AGO1: variants seen among roughly 807,000 people sequenced by gnomAD.
AGO1 encodes the protein protein argonaute-1.
In AGO1, 11 loss-of-function variants were observed where a neutral mutation model predicts 109.2. The ratio of observed to expected loss-of-function variants is 0.10; its 90% confidence interval spans 0.06 to 0.17. AGO1 has a LOEUF of 0.17. Ranked by LOEUF, AGO1 falls within the 10% of genes least tolerant of loss-of-function variation. The probability of loss-of-function intolerance (pLI) is 1.00; values close to 1 mark genes in which losing one functional copy is unlikely to be tolerated. For missense variants in AGO1, 574 were observed against 1,140.3 expected (o/e 0.50, Z 7.15); for synonymous variants, 422 against 418.6 (o/e 1.01, Z -0.10).
At chr1:35,895,043 G>T (rs1039412816) in intron 7 of AGO1, 79 bp from the exon 8 acceptor site, 7 of 1,470,594 alleles carry the variant, frequency 4.8e-6, no homozygotes, top group Non-Finnish European at 5.4e-6. Context: ...AAAATCTGAG[G>T]CTTCCATGGT....
In AGO1 at chr1:35,930,057, A is replaced by G. The variant is rs1346625871; in HGVS notation, c.*10450A>G. On this transcript the variant is annotated 3_prime_UTR_variant, in exon 19 of 19. Transcript: ENST00000373204. The stretch of plus-strand genomic sequence containing the variant: ...ATAGGGACATGGGGAGAAATTATGA[A>G]TGATTCCTCAGCCTGAATAAAATAG... 6.6e-6 allele frequency: 1 copy of G among 152,210 alleles called. No individual in the cohort carries two copies. The highest frequency in any genetic ancestry group is 2.4e-5 in the African/African-American group (1 of 41,470). 9.4% of individuals were successfully genotyped at this position (152,210 alleles called of 1,614,324 possible). A position where few individuals can be genotyped will look rare whatever the true frequency, so the allele number is the denominator to read the frequency against.
At chr1:35,915,660 A>C in intron 15 of AGO1, 118 bp downstream of exon 15, 1 of 966,706 alleles carries the variant, frequency 1.0e-6, no homozygotes, top group Non-Finnish European at 1.5e-6. Flanking sequence ...GCTTTGCTAA[A>C]TGGAGTAGAC....
At position 35,883,430 on chromosome 1, in the gene AGO1, G is replaced by A; in HGVS notation, c.9G>A (p.Ala3=). The A allele has an allele frequency of 6.4e-7, 1 of 1,572,564 alleles. No homozygotes were observed. The highest frequency in any genetic ancestry group is 8.6e-7 in the Non-Finnish European group (1 of 1,162,226). Residue 3 remains alanine, a synonymous_variant, in exon 1 of 19, where the codon GCG becomes GCA. Transcript: ENST00000373204. The surrounding 1 kb of genome is among the most constrained non-coding windows in gnomAD (Gnocchi z 5.4). The part of the protein sequence containing the change: ME[A]GPSGAAAGAY... ...CCGCACGGGTATATGGGATGGAAGCGGGACCCTCGGGAGCAGGTAAGGGTC... is the reference window on the plus strand; with the variant it reads ...CCGCACGGGTATATGGGATGGAAGCAGGACCCTCGGGAGCAGGTAAGGGTC...
chr1:35,928,881 C>T lies in AGO1; in HGVS notation c.*9274C>T, dbSNP rs1313235178. 1 of 152,198 alleles carries T rather than the reference C, an allele frequency of 6.6e-6. No homozygotes were observed. The highest frequency in any genetic ancestry group is 1.5e-5 in the Non-Finnish European group (1 of 68,046). 9.4% of individuals were successfully genotyped at this position (152,198 alleles called of 1,614,324 possible). A position where few individuals can be genotyped will look rare whatever the true frequency, so the allele number is the denominator to read the frequency against. On this transcript the variant is annotated 3_prime_UTR_variant, in exon 19 of 19. Transcript: ENST00000373204. ...TTCAGAGCGCACTGATTTCTCTGCA[C>T]CTGAGATTTTGTACTATTTCTGTAT...
intron 8 of AGO1, among the ~76,000 whole-genome samples, chr1:35,898,275 GAGACGGAGT>G (rs1645354319): frequency 8.1e-6 from 1 of 122,742 alleles, no homozygotes; most frequent in Non-Finnish European, 1.7e-5. Context: ...TTTTTTTTTT[GAGACGGAGT>G]ATCGCTCTGT....
chr1:35,909,283 A>C (rs538968998), intron 12 of AGO1, among the ~76,000 whole-genome samples: 1 of 152,342 alleles, frequency 6.6e-6, no homozygotes, highest in South Asian at 2.1e-4. Flanking sequence ...CTCATACTGG[A>C]ATGATTGCTG....
At chr1:35,879,495 C>T (rs188194016), upstream of AGO1, among the ~76,000 whole-genome samples, 115 of 148,790 alleles carry the variant, frequency 7.7e-4, no homozygotes, top group Non-Finnish European at 1.3e-3. Flanking sequence ...CAGTGGCTCA[C>T]TCCTGTAATC....
chr1:35,907,740 C>T (rs893146848), intron 12 of AGO1, among the ~76,000 whole-genome samples: 3 of 152,144 alleles, frequency 2.0e-5, no homozygotes, highest in Non-Finnish European at 4.4e-5. Context: ...TTATACCTTT[C>T]AACCCTCAAA....
chr1:35,907,814 CTTCCTAT>C (rs1645551952), intron 12 of AGO1, among the ~76,000 whole-genome samples: 2 of 152,262 alleles, frequency 1.3e-5, no homozygotes, highest in Admixed American at 1.3e-4. Context: ...TAGCTTTTGT[CTTCCTAT>C]TTCCTTCATT....
Position 35,901,172 on chromosome 1 carries a change from G to C in AGO1, c.1021-302G>C, listed in dbSNP as rs1452592740. Among the ~76,000 whole-genome samples, 2 of 151,836 alleles carry C rather than the reference G, an allele frequency of 1.3e-5. No homozygotes were observed. Among genetic ancestry groups the C allele is most frequent in the African/African-American group, 4.8e-5 (2 of 41,348 alleles). On this transcript the variant is annotated intron_variant, in intron 8 of 18. Coordinates refer to ENST00000373204, the MANE Select transcript of AGO1 (RefSeq NM_012199.5). This position sits in a 1 kb window ranked among gnomAD's most constrained non-coding sequence, Gnocchi z 4.8. ...ATTTTTGTATTTTTAGTAGAGACTG[G>C]GTTGGCCAGGCTGGTCTTGAACTCC...
intron 1 of AGO1, among the ~76,000 whole-genome samples, chr1:35,870,887 C>A (rs1018967338): frequency 6.6e-6 from 1 of 152,214 alleles, no homozygotes; most frequent in Non-Finnish European, 1.5e-5. Context: ...AACTAAGAGT[C>A]ATACCATAAG....
chr1:35,877,995 A>G (rs1645006049), intron 1 of AGO1, among the ~76,000 whole-genome samples: 2 of 149,926 alleles, frequency 1.3e-5, no homozygotes, highest in Non-Finnish European at 1.5e-5. Context: ...CCGGCCCAAT[A>G]TTAGTAATTT....
intron 12 of AGO1, among the ~76,000 whole-genome samples, chr1:35,909,449 T>G (rs186418217): frequency 3.7e-4 from 56 of 152,318 alleles, no homozygotes; most frequent in African/African-American, 1.3e-3. Context: ...ACACTCTGAG[T>G]GCTCATTTCT....
chr1:35,919,895 TAC>T lies in AGO1; in HGVS notation c.*294_*295del, dbSNP rs977058838. On this transcript the variant is annotated 3_prime_UTR_variant, in exon 19 of 19. Coordinates refer to ENST00000373204, the MANE Select transcript of AGO1 (RefSeq NM_012199.5). This position sits in a 1 kb window ranked among gnomAD's most constrained non-coding sequence, Gnocchi z 6.6. Reference sequence around the variant, plus strand: ...AAAGGGGCAGCACTGGTGCCCACCATACACACAGGTGTCTCATGTGACTCACA... The same window carrying T: ...AAAGGGGCAGCACTGGTGCCCACCATACACAGGTGTCTCATGTGACTCACA... 6.8e-5 allele frequency: 26 copies of T among 382,192 alleles called. No individual in the cohort carries two copies. Among genetic ancestry groups the T allele is most frequent in the African/African-American group, 5.1e-4 (25 of 49,434 alleles). 23.7% of individuals were successfully genotyped at this position (382,192 alleles called of 1,614,324 possible).
At chr1:35,874,070 GT>G (rs1354939948) in intron 1 of AGO1, among the ~76,000 whole-genome samples, 1 of 152,206 alleles carries the variant, frequency 6.6e-6, no homozygotes, top group Non-Finnish European at 1.5e-5. Context: ...ATGGCAATCT[GT>G]AAGCAGTGAC....
At chr1:35,880,278 G>T (rs1197923749), upstream of AGO1, among the ~76,000 whole-genome samples, 1 of 151,680 alleles carries the variant, frequency 6.6e-6, no homozygotes, top group Non-Finnish European at 1.5e-5. Context: ...AACTGAGCTG[G>T]GACCTCAGCA....
intron 1 of AGO1, among the ~76,000 whole-genome samples, chr1:35,873,115 A>G (rs147042626): frequency 1.1e-3 from 173 of 151,930 alleles, no homozygotes; most frequent in African/African-American, 3.9e-3. Flanking sequence ...AAGTTAATCA[A>G]TACCTTTATC....
chr1:35,911,989 A>G (rs895454679), intron 12 of AGO1, among the ~76,000 whole-genome samples: 3 of 152,124 alleles, frequency 2.0e-5, no homozygotes, highest in Non-Finnish European at 2.9e-5. Context: ...TGTTCTGCCA[A>G]TACTGGGAGT....
chr1:35,885,056 CT>C (rs1420072070), intron 1 of AGO1, among the ~76,000 whole-genome samples: 1 of 143,308 alleles, frequency 7.0e-6, no homozygotes, highest in Non-Finnish European at 1.5e-5. Flanking sequence ...ATTTAGTGAT[CT>C]CTAAGTACTT....
Sources: gnomAD v4.1 joint callset for allele counts (sites outside exome capture counted in the v4.1 genomes callset) on GRCh38, gnomAD v4.1.1 for gene constraint, Gnocchi (gnomAD v3.1) non-coding constraint, MANE v1.5 for transcripts, NCBI Gene and HGNC (gene_info 2026-07-23, HGNC 2026-07-21) for gene names.